Variants in CHD9 observed in about 807,000 individuals in gnomAD.
CHD9 encodes the protein ATP-dependent chromatin remodeler CHD9.
A neutral mutation model predicts 316.1 loss-of-function variants in CHD9; 77 were observed. The observed-to-expected ratio is 0.24, with a 90% CI of 0.20 to 0.29. The LOEUF (loss-of-function observed/expected upper bound fraction) is 0.29, where lower values mean the gene tolerates loss of function less well. CHD9 is among the 10% of genes least tolerant of loss of function. CHD9 has a pLI of 1.00. For missense variants in CHD9, 2,763 were observed against 3,438.1 expected, an observed-to-expected ratio of 0.80 and a Z score of 4.91; for synonymous variants, 1,129 against 1,158.3, an observed-to-expected ratio of 0.97 and a Z score of 0.51.
At chr16:53,154,792 G>T (rs79358254) in intron 1 of CHD9, among the ~76,000 whole-genome samples, 6 of 152,120 alleles carry the variant, frequency 3.9e-5, no homozygotes, top group Non-Finnish European at 8.8e-5. Flanking sequence ...AACAGGCCAC[G>T]CACCCATTCC....
At chr16:53,316,959 G>A (rs1484779509) in intron 36 of CHD9, among the ~76,000 whole-genome samples, 5 of 152,076 alleles carry the variant, frequency 3.3e-5, no homozygotes, top group African/African-American at 4.8e-5. Context: ...AGCACTTTGC[G>A]AGGCCGAGGC....
At chr16:53,314,258 T>G (rs934021217) in intron 34 of CHD9, 119 bp from the exon 35 acceptor site, 2 of 626,930 alleles carry the variant, frequency 3.2e-6, no homozygotes, top group Non-Finnish European at 5.0e-6. Context: ...TCCAAAAGTT[T>G]CTACATTAAA....
intron 2 of CHD9, among the ~76,000 whole-genome samples, chr16:53,185,231 T>C (rs1318263850): frequency 6.6e-6 from 1 of 152,206 alleles, no homozygotes; most frequent in African/African-American, 2.4e-5. Flanking sequence ...TACAGACTTG[T>C]TGAATGGCTT....
intron 19 of CHD9, among the ~76,000 whole-genome samples, chr16:53,256,521 C>T (rs2050616026): frequency 6.6e-6 from 1 of 150,756 alleles, no homozygotes; most frequent in African/African-American, 2.4e-5. Context: ...CGGGGTTTCG[C>T]CATGTTAGCC....
intron 1 of CHD9, among the ~76,000 whole-genome samples, chr16:53,119,650 T>C (rs1348424084): frequency 6.6e-6 from 1 of 152,078 alleles, no homozygotes; most frequent in East Asian, 1.9e-4. Flanking sequence ...CTGGCCAACA[T>C]GGTGAAATCT....
intron 3 of CHD9, among the ~76,000 whole-genome samples, chr16:53,218,992 CA>C (rs1428090658): frequency 6.6e-6 from 1 of 152,098 alleles, no homozygotes; most frequent in African/African-American, 2.4e-5. Flanking sequence ...AGCAAATATT[CA>C]CAAGCAAAGT....
chr16:53,247,024 C>G (rs1375816850), intron 15 of CHD9, among the ~76,000 whole-genome samples: 1 of 152,148 alleles, frequency 6.6e-6, no homozygotes, highest in African/African-American at 2.4e-5. Context: ...AAACATTTGG[C>G]AAACATAAAT....
chr16:53,124,970 G>A lies in CHD9; in HGVS notation c.-164-30956G>A, dbSNP rs183061761. Among the ~76,000 whole-genome samples, 42 of 152,310 alleles carry A rather than the reference G, an allele frequency of 2.8e-4. No homozygotes were observed. The East Asian group carries it at 7.9e-3, about 29-fold the overall frequency. On this transcript the variant is annotated intron_variant, in intron 1 of 38. Transcript: ENST00000447540. The stretch of plus-strand genomic sequence containing the variant: ...TTTTATTGTAGCCATCCTGATGAGA[G>A]TGAAGTGGTATCTCATTGTGGTTTT...
intron 20 of CHD9, 36 bp from the exon 21 acceptor site, chr16:53,267,258 A>G: frequency 7.0e-7 from 1 of 1,429,902 alleles, no homozygotes; most frequent in Non-Finnish European, 9.4e-7. Context: ...CAAAATCATA[A>G]AAGTACCTTC....
intron 24 of CHD9, among the ~76,000 whole-genome samples, chr16:53,276,210 G>C (rs901776550): frequency 2.6e-5 from 4 of 152,030 alleles, no homozygotes; most frequent in African/African-American, 9.7e-5. Flanking sequence ...TTCTGTTCTA[G>C]ATATCTATTA....
intron 27 of CHD9, among the ~76,000 whole-genome samples, chr16:53,291,129 G>GA (rs1001595693): frequency 2.6e-5 from 4 of 152,110 alleles, no homozygotes; most frequent in African/African-American, 9.7e-5. Context: ...AGCAACCAGA[G>GA]AAAAAGAGAT....
Position 53,324,048 on chromosome 16 carries a change from G to A in CHD9, c.7847G>A (p.Arg2616His), listed in dbSNP as rs765671649. Reference sequence around the variant, plus strand: ...TTTCTTCCAGAAAGCATGTATGAACGTATTCTCACTGGTCCCGTTGTGAGA... The same window carrying A: ...TTTCTTCCAGAAAGCATGTATGAACATATTCTCACTGGTCCCGTTGTGAGA... ...SGFLPESMYE[R>H]ILTGPVVREE... is the part of the protein sequence containing the mutation. Residue 2616 changes from arginine (R) to histidine (H), a missense_variant, in exon 39 of 39, where the codon CGT (arginine) becomes CAT (histidine). Physicochemically the swap from Arg to His is conservative, Grantham distance 29. This residue lies in a region of CHD9 where 298 missense variants were observed against 380.2 expected (regional missense o/e 0.78). Transcript: ENST00000447540. 2.7e-5 allele frequency: 44 copies of A among 1,612,788 alleles called. No individual in the cohort carries two copies. Among genetic ancestry groups the A allele is most frequent in the Non-Finnish European group, 3.2e-5 (38 of 1,179,060 alleles).
intron 19 of CHD9, among the ~76,000 whole-genome samples, chr16:53,256,717 G>T (rs1371188476): frequency 6.7e-6 from 1 of 149,908 alleles, no homozygotes; most frequent in African/African-American, 2.5e-5. Flanking sequence ...GTTTATTATT[G>T]GAGTATTCTG....
intron 2 of CHD9, among the ~76,000 whole-genome samples, chr16:53,172,056 A>G (rs12149462): frequency 0.31 from 47,271 of 152,066 alleles, 7,511 homozygotes; most frequent in Middle Eastern, 0.39. Flanking sequence ...CATATAATAA[A>G]CAGAACATAT....
chr16:53,324,133 A>G lies in CHD9; in HGVS notation c.7932A>G (p.Ala2644=), dbSNP rs1470673063. 1 of 1,613,990 alleles carries G rather than the reference A, an allele frequency of 6.2e-7. No individual in the cohort carries two copies. The highest frequency in any genetic ancestry group is 1.1e-5 in the South Asian group (1 of 91,084). The stretch of plus-strand genomic sequence containing the variant: ...GTGGAATTGCAAAGGCCACAGCAGC[A>G]GCAGCTGCTGCATCTGCCACCAGTG... ...PKSGIAKATA[A]AAAASATSVS... Residue 2644 remains alanine, a synonymous_variant, in exon 39 of 39, where the codon GCA becomes GCG. Transcript: ENST00000447540.
At chr16:53,107,056 T>TC in intron 1 of CHD9, among the ~76,000 whole-genome samples, 2 of 152,322 alleles carry the variant, frequency 1.3e-5, no homozygotes. Flanking sequence ...GTAGTCACCC[T>TC]CACCATCTAG....
chr16:53,091,670 T>C (rs2035954772), intron 1 of CHD9, among the ~76,000 whole-genome samples: 1 of 152,220 alleles, frequency 6.6e-6, no homozygotes, highest in Non-Finnish European at 1.5e-5. Flanking sequence ...AGTGTGGTCC[T>C]GGCACTTACA....
chr16:53,271,724 CTGT>C (rs922501049), intron 22 of CHD9, among the ~76,000 whole-genome samples: 12 of 151,868 alleles, frequency 7.9e-5, no homozygotes, highest in African/African-American at 2.9e-4. Context: ...GAATAAGGTG[CTGT>C]AAAAACAGTG....
intron 2 of CHD9, chr16:53,168,861 T>C (rs2042466958): frequency 6.6e-6 from 1 of 152,198 alleles, no homozygotes; most frequent in Non-Finnish European, 1.5e-5. Context: ...CTCAGCCTCC[T>C]GAGTAGGTAG....
Sources: allele counts gnomAD v4.1 joint callset (sites outside exome capture counted in the v4.1 genomes callset), GRCh38; gene constraint gnomAD v4.1.1; regional missense constraint gnomAD v4.1.1; transcripts MANE v1.5; gene names NCBI Gene and HGNC (gene_info 2026-07-23, HGNC 2026-07-21).